The following IGF2BP3 variants were observed in gnomAD, a reference collection of about 807,000 sequenced individuals.
IGF2BP3 encodes insulin-like growth factor 2 mRNA-binding protein 3.
In IGF2BP3, 9 loss-of-function variants were observed where a neutral mutation model predicts 73.8. The ratio of observed to expected loss-of-function variants is 0.12; its 90% confidence interval spans 0.07 to 0.21. The LOEUF is 0.21. IGF2BP3 is among the 10% of genes least tolerant of loss of function. The pLI is 1.00. For missense variants in IGF2BP3, 542 were observed against 714.0 expected, an observed-to-expected ratio of 0.76 and a Z score of 2.75; for synonymous variants, 258 against 256.7, an observed-to-expected ratio of 1.01 and a Z score of -0.05.
At chr7:23,375,168 T>C (rs1437273352) in intron 3 of IGF2BP3, among the ~76,000 whole-genome samples, 3 of 152,200 alleles carry the variant, frequency 2.0e-5, no homozygotes, top group Admixed American at 2.0e-4. Flanking sequence ...CCCCATTTCA[T>C]ATATGAATAA....
intron 14 of IGF2BP3, 108 bp from the exon 15 acceptor site, chr7:23,312,568 A>G (rs544775420): frequency 9.4e-6 from 9 of 954,416 alleles, no homozygotes; most frequent in South Asian, 6.7e-5. Flanking sequence ...ATGATTAAAG[A>G]TACATACTAG....
chr7:23,417,820 T>C (rs747394269), intron 3 of IGF2BP3, among the ~76,000 whole-genome samples: 2 of 152,184 alleles, frequency 1.3e-5, no homozygotes, highest in African/African-American at 2.4e-5. Context: ...ACCGTTTCCA[T>C]CTATAAAGTA....
At chr7:23,346,791 C>T (rs897871575) in intron 7 of IGF2BP3, among the ~76,000 whole-genome samples, 8 of 152,120 alleles carry the variant, frequency 5.3e-5, no homozygotes, top group East Asian at 3.9e-4. Flanking sequence ...CGGGGTTTCA[C>T]CATGTTGGCC....
intron 2 of IGF2BP3, among the ~76,000 whole-genome samples, chr7:23,432,868 G>A (rs1787720902): frequency 6.6e-6 from 1 of 152,170 alleles, no homozygotes; most frequent in Admixed American, 6.5e-5. Context: ...CTGGGCTCAA[G>A]CAATCCACTT....
At chr7:23,441,459 G>C (rs2128545147) in intron 2 of IGF2BP3, among the ~76,000 whole-genome samples, 1 of 151,596 alleles carries the variant, frequency 6.6e-6, no homozygotes, top group East Asian at 2.0e-4. Flanking sequence ...TGTAGTTCCA[G>C]CTACTTGGGA....
At chr7:23,422,978 T>C (rs1787392656) in intron 2 of IGF2BP3, among the ~76,000 whole-genome samples, 1 of 152,224 alleles carries the variant, frequency 6.6e-6, no homozygotes, top group African/African-American at 2.4e-5. Context: ...TTTCACCACG[T>C]TGGCCAGGCT....
At chr7:23,376,599 C>T (rs1785729940) in intron 3 of IGF2BP3, among the ~76,000 whole-genome samples, 1 of 151,582 alleles carries the variant, frequency 6.6e-6, no homozygotes, top group African/African-American at 2.4e-5. Flanking sequence ...GGCACGGTGG[C>T]TCACACCTAT....
At chr7:23,434,768 G>T (rs1336949359) in intron 2 of IGF2BP3, among the ~76,000 whole-genome samples, 1 of 152,002 alleles carries the variant, frequency 6.6e-6, no homozygotes, top group Non-Finnish European at 1.5e-5. Flanking sequence ...TGATTACTAA[G>T]CTCTTTTTCC....
At chr7:23,315,946 C>G (rs1344901229) in intron 12 of IGF2BP3, among the ~76,000 whole-genome samples, 1 of 152,124 alleles carries the variant, frequency 6.6e-6, no homozygotes, top group Admixed American at 6.5e-5. Flanking sequence ...CTTTGAAGTT[C>G]CTATCATACA....
chr7:23,316,725 A>T (rs957577980), intron 12 of IGF2BP3, among the ~76,000 whole-genome samples: 16 of 151,968 alleles, frequency 1.1e-4, no homozygotes, highest in African/African-American at 3.9e-4. Flanking sequence ...TTAAGGTTAA[A>T]TAGTTGTCTT....
At chr7:23,410,748 T>C (rs946714746) in intron 3 of IGF2BP3, among the ~76,000 whole-genome samples, 1 of 152,250 alleles carries the variant, frequency 6.6e-6, no homozygotes, top group African/African-American at 2.4e-5. Context: ...TTGGCTTCAC[T>C]GTCAAGCTTT....
At chr7:23,325,270 C>T (rs1784262668) in intron 10 of IGF2BP3, among the ~76,000 whole-genome samples, 1 of 152,076 alleles carries the variant, frequency 6.6e-6, no homozygotes, top group African/African-American at 2.4e-5. Flanking sequence ...CATTCTTATA[C>T]ATCAATAACA....
chr7:23,325,830 G>T (rs975896800), intron 10 of IGF2BP3, among the ~76,000 whole-genome samples: 25 of 152,144 alleles, frequency 1.6e-4, no homozygotes, highest in Non-Finnish European at 3.4e-4. Context: ...AATGGGGAAA[G>T]GATTCCCTAT....
intron 3 of IGF2BP3, among the ~76,000 whole-genome samples, chr7:23,409,492 T>C (rs1023960): frequency 0.032 from 4,946 of 152,270 alleles, 119 homozygotes; most frequent in Non-Finnish European, 0.045. Flanking sequence ...TATTCAATTT[T>C]AAGACTTATA....
At chr7:23,366,417 T>C (rs1033882666) in intron 3 of IGF2BP3, among the ~76,000 whole-genome samples, 1 of 152,046 alleles carries the variant, frequency 6.6e-6, no homozygotes, top group Non-Finnish European at 1.5e-5. Flanking sequence ...GGATTACAGG[T>C]GTGAGCCACC....
intron 2 of IGF2BP3, among the ~76,000 whole-genome samples, chr7:23,441,574 T>TAAAAAAAAAAAA (rs769391858): frequency 1.8e-5 from 1 of 56,948 alleles, no homozygotes; most frequent in Non-Finnish European, 3.2e-5. Context: ...CTCCATCTCT[T>TAAAAAAAAAAAA]AAAAAAAAAA....
chr7:23,340,232 G>A (rs1312586409), intron 10 of IGF2BP3, among the ~76,000 whole-genome samples: 4 of 152,070 alleles, frequency 2.6e-5, no homozygotes, highest in Non-Finnish European at 5.9e-5. Context: ...CACTTCACTT[G>A]TAGCTGAAAT....
rs1178798536 is a variant in IGF2BP3, at chr7:23,470,314, AAG to A, written c.-206_-205del. ...TTTTCCTTGTCTAGATGTGTTTTAA[AAG>A]AGAAAGAAAAGAAAAAGCCTAGCTA... On this transcript the variant is annotated 5_prime_UTR_variant, in exon 1 of 15. Transcript: ENST00000258729. The A allele has an allele frequency of 2.0e-5, 8 of 403,144 alleles. No individual in the cohort carries two copies. The allele number at this position is 403,144 out of a possible 1,614,324, so 25.0% of individuals were successfully genotyped here.
chr7:23,428,357 A>C (rs1484569741), intron 2 of IGF2BP3, among the ~76,000 whole-genome samples: 2 of 151,750 alleles, frequency 1.3e-5, no homozygotes, highest in African/African-American at 4.8e-5. Context: ...CTATAATCCC[A>C]GCTACTCAGG....
Sources: gnomAD v4.1 joint callset for allele counts (sites outside exome capture counted in the v4.1 genomes callset) on GRCh38, gnomAD v4.1.1 for gene constraint, MANE v1.5 for transcripts, NCBI Gene and HGNC (gene_info 2026-07-23, HGNC 2026-07-21) for gene names.